The following SPOCK1 variants were observed in gnomAD, a reference collection of about 807,000 sequenced individuals.
SPOCK1 encodes the protein testican-1.
A neutral mutation model predicts 55.3 loss-of-function variants in SPOCK1; 23 were observed. The observed-to-expected ratio is 0.42, with a 90% confidence interval of 0.30 to 0.59. SPOCK1 has a LOEUF of 0.59. Among genes scored for constraint, SPOCK1 ranks in the 20% least tolerant of loss-of-function variants. The probability of loss-of-function intolerance (pLI) is 0.22; values close to 1 mark genes in which losing one functional copy is unlikely to be tolerated. For missense variants in SPOCK1, 499 were observed against 552.5 expected (o/e 0.90, Z 0.97); for synonymous variants, 226 against 221.0 (o/e 1.02, Z -0.20).
rs17721425 is a variant in SPOCK1 at position 137,191,605 on chromosome 5, T to C, written c.233-50911A>G. Among the ~76,000 whole-genome samples, 1,202 of 152,328 alleles carry C rather than the reference T, an allele frequency of 7.9e-3. 14 individuals are homozygous for C. The highest frequency in any genetic ancestry group is 0.034 in the Middle Eastern group (10 of 294). On this transcript the variant is annotated intron_variant, in intron 3 of 10. Transcript: ENST00000394945. Reference sequence around the variant, plus strand: ...TGCAGTATGTGACCTGTAGTATCAATAGATCAATCATACTTTCCAAATTAC... The same window carrying C: ...TGCAGTATGTGACCTGTAGTATCAACAGATCAATCATACTTTCCAAATTAC...
At chr5:136,998,585 C>A (rs1419083295) in intron 6 of SPOCK1, among the ~76,000 whole-genome samples, 1 of 152,168 alleles carries the variant, frequency 6.6e-6, no homozygotes, top group Non-Finnish European at 1.5e-5. Context: ...TTGGTCCATA[C>A]TCTGGGTTGA....
At chr5:137,289,876 T>G (rs1230725324) in intron 2 of SPOCK1, among the ~76,000 whole-genome samples, 2 of 152,110 alleles carry the variant, frequency 1.3e-5, no homozygotes, top group Non-Finnish European at 2.9e-5. Flanking sequence ...GAATAGGCAC[T>G]TTACAAAATA....
At chr5:137,457,243 A>G (rs528796151) in intron 2 of SPOCK1, among the ~76,000 whole-genome samples, 1 of 152,352 alleles carries the variant, frequency 6.6e-6, no homozygotes, top group Admixed American at 6.5e-5. Flanking sequence ...CAAAGAGAAA[A>G]TAGACACGAA....
chr5:136,993,379 G>A (rs1446797670), intron 6 of SPOCK1, among the ~76,000 whole-genome samples: 1 of 152,148 alleles, frequency 6.6e-6, no homozygotes, highest in African/African-American at 2.4e-5. Context: ...TAAAAATGGT[G>A]CAGAGAAGGG....
At chr5:136,983,619 CAAAAA>C (rs11364379) in intron 9 of SPOCK1, among the ~76,000 whole-genome samples, 2 of 135,338 alleles carry the variant, frequency 1.5e-5, no homozygotes, top group African/African-American at 2.6e-5. Flanking sequence ...CTCCTTGGAC[CAAAAA>C]AAAAAAAAAA....
chr5:137,431,573 G>A (rs1191569771), intron 2 of SPOCK1, among the ~76,000 whole-genome samples: 1 of 152,174 alleles, frequency 6.6e-6, no homozygotes, highest in Non-Finnish European at 1.5e-5. Context: ...GGAGTGTTTG[G>A]GTCATGAGGG....
intron 2 of SPOCK1, among the ~76,000 whole-genome samples, chr5:137,487,529 C>T (rs867810196): frequency 2.6e-5 from 4 of 152,156 alleles, no homozygotes; most frequent in Admixed American, 6.5e-5. Context: ...TTGTTCCATA[C>T]CCTTAACACC....
At chr5:137,107,692 C>T (rs1753394734) in intron 5 of SPOCK1, among the ~76,000 whole-genome samples, 1 of 152,100 alleles carries the variant, frequency 6.6e-6, no homozygotes, top group Non-Finnish European at 1.5e-5. Flanking sequence ...ACAATGCATC[C>T]ACCACTTCTA....
intron 6 of SPOCK1, among the ~76,000 whole-genome samples, chr5:137,022,916 G>A (rs183911888): frequency 2.6e-5 from 4 of 152,292 alleles, no homozygotes; most frequent in Admixed American, 2.6e-4. Flanking sequence ...GCTCACACGA[G>A]GGACCAGTTA....
At chr5:137,435,880 C>T (rs114766286) in intron 2 of SPOCK1, among the ~76,000 whole-genome samples, 2,362 of 151,822 alleles carry the variant, frequency 0.016, 70 homozygotes, top group African/African-American at 0.055. Flanking sequence ...TTTAGCTGGG[C>T]GCGGTGGCTC....
At chr5:137,412,344 T>C (rs1454955758) in intron 2 of SPOCK1, among the ~76,000 whole-genome samples, 3 of 152,206 alleles carry the variant, frequency 2.0e-5, no homozygotes, top group African/African-American at 7.2e-5. Flanking sequence ...CCTATGGAAG[T>C]TGAGCCACAG....
intron 2 of SPOCK1, among the ~76,000 whole-genome samples, chr5:137,492,981 T>C (rs1018887296): frequency 6.6e-6 from 1 of 152,268 alleles, no homozygotes; most frequent in African/African-American, 2.4e-5. Flanking sequence ...CATCTTACCA[T>C]TGGTGGCATC....
chr5:137,355,668 C>T (rs978493799), intron 2 of SPOCK1, among the ~76,000 whole-genome samples: 3 of 152,304 alleles, frequency 2.0e-5, no homozygotes, highest in Middle Eastern at 3.4e-3. Flanking sequence ...TCCCACCACA[C>T]CTTTTTCACT....
chr5:137,203,279 G>A (rs7716906), intron 3 of SPOCK1, among the ~76,000 whole-genome samples: 60,035 of 151,376 alleles, frequency 0.4, 13,063 homozygotes, highest in Non-Finnish European at 0.48. Flanking sequence ...GTGTCCCAGC[G>A]CCCAGGTGAT....
At chr5:137,187,005 A>T (rs1170844092) in intron 3 of SPOCK1, among the ~76,000 whole-genome samples, 2 of 152,114 alleles carry the variant, frequency 1.3e-5, no homozygotes, top group East Asian at 3.9e-4. Context: ...ATATTGTGAC[A>T]TTGCCCCATC....
At position 137,031,723 on chromosome 5, in the gene SPOCK1, C is replaced by T. The variant is rs575374435; in HGVS notation, c.589+35992G>A. ...GGAATTATCAGACCCTGTTTTTTAA[C>T]GGTAGACACCATCCAGGGAATTAAT... On this transcript the variant is annotated intron_variant, in intron 6 of 10. Coordinates refer to ENST00000394945, the MANE Select transcript of SPOCK1 (RefSeq NM_004598.4). Among the ~76,000 whole-genome samples, 47 of 152,196 alleles carry T rather than the reference C, an allele frequency of 3.1e-4. No homozygotes were observed. In the East Asian group the frequency reaches 4.6e-3, roughly 15 times the overall value.
At chr5:137,338,463 G>A (rs1750337251) in intron 2 of SPOCK1, among the ~76,000 whole-genome samples, 1 of 151,960 alleles carries the variant, frequency 6.6e-6, no homozygotes, top group Non-Finnish European at 1.5e-5. Flanking sequence ...ATTGTGAATA[G>A]TGCCGCAATA....
chr5:137,319,741 C>T (rs1017041784), intron 2 of SPOCK1, among the ~76,000 whole-genome samples: 12 of 151,560 alleles, frequency 7.9e-5, no homozygotes, highest in Admixed American at 6.6e-4. Flanking sequence ...GTCAGGAGAT[C>T]GAGACCATCC....
At chr5:137,186,249 G>A (rs1156711856) in intron 3 of SPOCK1, among the ~76,000 whole-genome samples, 1 of 152,204 alleles carries the variant, frequency 6.6e-6, no homozygotes, top group Non-Finnish European at 1.5e-5. Context: ...GCTGATCATT[G>A]AGATAATGTA....
Sources: allele counts gnomAD v4.1 joint callset (sites outside exome capture counted in the v4.1 genomes callset), GRCh38; gene constraint gnomAD v4.1.1; transcripts MANE v1.5; gene names NCBI Gene and HGNC (gene_info 2026-07-23, HGNC 2026-07-21).